FGF14: variants seen among roughly 807,000 people sequenced by gnomAD.
The protein encoded by FGF14 is fibroblast growth factor homologous factor 4.
A neutral mutation model predicts 25.5 loss-of-function variants in FGF14; 5 were observed. The observed-to-expected ratio is 0.20, with a 90% confidence interval of 0.10 to 0.41. The LOEUF is 0.41. Ranked by LOEUF, FGF14 falls within the 10% of genes least tolerant of loss-of-function variation. The pLI is 1.00. For missense variants in FGF14, 222 were observed against 320.1 expected (o/e 0.69, Z 2.34); for synonymous variants, 138 against 118.3 (o/e 1.17, Z -1.08).
intron 3 of FGF14, among the ~76,000 whole-genome samples, chr13:101,865,179 A>T (rs1324146379): frequency 6.6e-6 from 1 of 152,056 alleles, no homozygotes; most frequent in Non-Finnish European, 1.5e-5. Flanking sequence ...TTTTCCTTTC[A>T]TTACCAGTTT....
chr13:102,196,921 A>AAGAGTCCAC (rs58171175), intron 1 of FGF14, among the ~76,000 whole-genome samples: 6,189 of 151,692 alleles, frequency 0.041, 427 homozygotes, highest in African/African-American at 0.14. Flanking sequence ...TTTATCTTTG[A>AAGAGTCCAC]AGAGTCCACA....
chr13:101,768,662 C>T (rs1594181024), intron 3 of FGF14, among the ~76,000 whole-genome samples: 1 of 152,032 alleles, frequency 6.6e-6, no homozygotes, highest in East Asian at 1.9e-4. Flanking sequence ...GAAATAGACC[C>T]ACATAAATAC....
intron 1 of FGF14, among the ~76,000 whole-genome samples, chr13:101,876,433 T>C (rs1451645666): frequency 6.6e-6 from 1 of 152,132 alleles, no homozygotes; most frequent in Non-Finnish European, 1.5e-5. Context: ...TGCAAATAGG[T>C]GAAGACAAAA....
chr13:101,831,146 C>T (rs1029988954), intron 3 of FGF14, among the ~76,000 whole-genome samples: 3 of 152,128 alleles, frequency 2.0e-5, no homozygotes, highest in Middle Eastern at 3.4e-3. Context: ...TTTGCCTACC[C>T]TACCATCCCA....
At chr13:102,017,828 TATTCTTAG>T (rs2040425909) in intron 1 of FGF14, among the ~76,000 whole-genome samples, 1 of 152,154 alleles carries the variant, frequency 6.6e-6, no homozygotes, top group Non-Finnish European at 1.5e-5. Flanking sequence ...GTTTGGACTG[TATTCTTAG>T]AGAATTCTTC....
Position 102,216,135 on chromosome 13 carries a change from G to A in FGF14, c.208+185336C>T, listed in dbSNP as rs755072538. The stretch of plus-strand genomic sequence containing the variant: ...TAAAAGAAGAAAGGGGATTCGCATC[G>A]CTGGGATGTGAATAGAATTTGCAGG... On this transcript the variant is annotated intron_variant, in intron 1 of 4. Coordinates refer to the FGF14 transcript ENST00000376131. Among the ~76,000 whole-genome samples the A allele has an allele frequency of 3.4e-4, 52 of 152,284 alleles. 1 individual carries two copies. The highest frequency in any genetic ancestry group is 3.4e-3 in the Middle Eastern group (1 of 294).
chr13:102,325,949 T>C (rs148609340), intron 1 of FGF14, among the ~76,000 whole-genome samples: 108 of 152,318 alleles, frequency 7.1e-4, no homozygotes, highest in Non-Finnish European at 1.3e-3. Context: ...TTTTCATACT[T>C]GCTCCAATGG....
chr13:102,303,357 G>A (rs2055179218), intron 1 of FGF14, among the ~76,000 whole-genome samples: 1 of 151,996 alleles, frequency 6.6e-6, no homozygotes, highest in South Asian at 2.1e-4. Context: ...TAAACACTTT[G>A]TATTGTTGTG....
rs1259856993 is a variant in FGF14 at position 101,867,938 on chromosome 13, G to GCA, written c.408+785_408+786dup. ...CACACACACACACACACACACACGC[G>GCA]CACACACACAATATGTGTATATTTA... On this transcript the variant is annotated intron_variant, in intron 3 of 4. Coordinates refer to ENST00000376143, the MANE Select transcript of FGF14 (RefSeq NM_004115.4). Among the ~76,000 whole-genome samples the GCA allele has an allele frequency of 3.8e-4, 50 of 130,414 alleles. 1 individual carries two copies. The highest frequency in any genetic ancestry group is 2.5e-3 in the East Asian group (10 of 4,072). The allele number at this position is 130,414 out of a possible 152,430, so 85.6% of individuals were successfully genotyped here. A position where few individuals can be genotyped will look rare whatever the true frequency, so the allele number is the denominator to read the frequency against.
intron 1 of FGF14, among the ~76,000 whole-genome samples, chr13:101,974,941 G>A (rs2037832263): frequency 6.6e-6 from 1 of 152,182 alleles, no homozygotes; most frequent in Admixed American, 6.5e-5. Flanking sequence ...GGTAGAAGCT[G>A]AGAAATACAG....
At chr13:102,340,908 T>C (rs1295865393) in intron 1 of FGF14, among the ~76,000 whole-genome samples, 2 of 152,228 alleles carry the variant, frequency 1.3e-5, no homozygotes, top group Non-Finnish European at 2.9e-5. Context: ...TCAGCTACTA[T>C]CTGCTCATCA....
intron 1 of FGF14, among the ~76,000 whole-genome samples, chr13:102,362,217 A>C (rs1333204639): frequency 6.6e-6 from 1 of 152,022 alleles, no homozygotes; most frequent in Non-Finnish European, 1.5e-5. Context: ...CACTCCTAAC[A>C]CTAGGTCACC....
At chr13:101,827,901 T>C (rs1304838324) in intron 3 of FGF14, among the ~76,000 whole-genome samples, 1 of 149,324 alleles carries the variant, frequency 6.7e-6, no homozygotes, top group Non-Finnish European at 1.5e-5. Context: ...CAAATCGTCT[T>C]CAAATCAAAT....
At chr13:101,965,606 G>A (rs1295839105) in intron 1 of FGF14, among the ~76,000 whole-genome samples, 1 of 151,162 alleles carries the variant, frequency 6.6e-6, no homozygotes, top group Non-Finnish European at 1.5e-5. Flanking sequence ...CTTAAGGAGA[G>A]AATAAAACGT....
chr13:102,087,876 T>C (rs758496391), intron 1 of FGF14, among the ~76,000 whole-genome samples: 8 of 151,642 alleles, frequency 5.3e-5, no homozygotes, highest in Non-Finnish European at 1.2e-4. Flanking sequence ...ACAACAACCA[T>C]CTTACAGTTA....
chr13:102,128,110 G>T, intron 1 of FGF14, among the ~76,000 whole-genome samples: 1 of 139,342 alleles, frequency 7.2e-6, no homozygotes, highest in Admixed American at 7.0e-5. Flanking sequence ...ATCCAATCCT[G>T]ACTACACCCC....
In FGF14 at chr13:101,916,633, T is replaced by C. The variant is rs372459472; in HGVS notation, c.13A>G (p.Ile5Val). 6.4e-7 allele frequency: 1 copy of C among 1,573,802 alleles called. No homozygotes were observed. Among genetic ancestry groups the C allele is most frequent in the South Asian group, 1.1e-5 (1 of 87,430 alleles). Residue 5 changes from isoleucine (I) to valine (V), a missense_variant, in exon 1 of 5, where the codon ATC becomes GTC. Physicochemically the swap from Ile to Val is conservative, Grantham distance 29. This residue lies in a region of FGF14 where 11 missense variants were observed against 26.6 expected (regional missense o/e 0.41). Coordinates refer to ENST00000376143, the MANE Select transcript of FGF14 (RefSeq NM_004115.4). MAAA[I>V]ASGLIRQKRQ... ...TTCTGGCGGATCAAGCCGCTAGCGA[T>C]GGCCGCGGCCATGGTGGCCCCGGGA...
chr13:102,197,241 G>A (rs1283185273), intron 1 of FGF14, among the ~76,000 whole-genome samples: 1 of 152,140 alleles, frequency 6.6e-6, no homozygotes, highest in Non-Finnish European at 1.5e-5. Context: ...TTCTAAAGTG[G>A]ATATCAAGTC....
chr13:101,878,560 C>G (rs555093627), intron 1 of FGF14, among the ~76,000 whole-genome samples: 1 of 151,772 alleles, frequency 6.6e-6, no homozygotes, highest in African/African-American at 2.4e-5. Context: ...AGAGGTGATA[C>G]GAATAAAATA....
Sources: allele counts gnomAD v4.1 joint callset (sites outside exome capture counted in the v4.1 genomes callset), GRCh38; gene constraint gnomAD v4.1.1; regional missense constraint gnomAD v4.1.1; transcripts MANE v1.5; gene names NCBI Gene and HGNC (gene_info 2026-07-23, HGNC 2026-07-21).